Variants in PLPP1 observed in about 807,000 individuals in gnomAD.
PLPP1 encodes lipid phosphate phosphohydrolase 1a.
PLPP1 carries 24 observed loss-of-function variants against 31.2 expected under a neutral mutation model. That is an observed-to-expected ratio of 0.77 (90% confidence interval 0.56 to 1.08). The LOEUF is 1.08. Ranked by LOEUF, PLPP1 falls within the 50% of genes least tolerant of loss-of-function variation. PLPP1 has a pLI of 0.00. For missense variants in PLPP1, 319 were observed against 342.7 expected (o/e 0.93, Z 0.55); for synonymous variants, 146 against 126.3 (o/e 1.16, Z -1.05).
chr5:55,443,212 T>TATATAC (rs1169152710), intron 3 of PLPP1, among the ~76,000 whole-genome samples: 34 of 104,990 alleles, frequency 3.2e-4, no homozygotes, highest in African/African-American at 1.2e-3. Flanking sequence ...TATATATATA[T>TATATAC]ACACACACAC....
chr5:55,467,839 T>G lies in PLPP1; in HGVS notation c.491+30A>C, dbSNP rs1579944229. ...CCTTCTATTCCAAGAATATACAAGA[T>G]TAAACAAGCATTAGCGATTTAACAC... On this transcript the variant is annotated intron_variant, in intron 3 of 5. Transcript: ENST00000307259. 3.8e-6 allele frequency: 6 copies of G among 1,573,340 alleles called. No individual in the cohort carries two copies. The South Asian group carries it at 7.1e-5, about 19-fold the overall frequency.
At chr5:55,523,390 T>C (rs1240636265) in intron 1 of PLPP1, among the ~76,000 whole-genome samples, 1 of 152,148 alleles carries the variant, frequency 6.6e-6, no homozygotes, top group Non-Finnish European at 1.5e-5. Flanking sequence ...TATTACAACC[T>C]TTCCCAAATA....
At chr5:55,428,235 C>T (rs1751258831) in intron 4 of PLPP1, among the ~76,000 whole-genome samples, 1 of 152,234 alleles carries the variant, frequency 6.6e-6, no homozygotes. Context: ...TGGGATGCCC[C>T]AGTTGTGGTT....
At chr5:55,501,503 A>G (rs1358239398) in intron 1 of PLPP1, among the ~76,000 whole-genome samples, 1 of 151,968 alleles carries the variant, frequency 6.6e-6, no homozygotes, top group African/African-American at 2.4e-5. Context: ...AACAAAGCTA[A>G]TTTATTTATT....
chr5:55,466,955 G>A (rs1386041582), intron 3 of PLPP1, among the ~76,000 whole-genome samples: 4 of 152,122 alleles, frequency 2.6e-5, no homozygotes, highest in Non-Finnish European at 4.4e-5. Context: ...ACTAATTAGT[G>A]GCTTTACTTA....
At chr5:55,485,779 AC>A (rs1463791469) in intron 1 of PLPP1, among the ~76,000 whole-genome samples, 2 of 152,188 alleles carry the variant, frequency 1.3e-5, no homozygotes, top group African/African-American at 2.4e-5. Flanking sequence ...TCAATATATT[AC>A]AAAAATCTTT....
intron 4 of PLPP1, among the ~76,000 whole-genome samples, chr5:55,432,223 A>G (rs149197051): frequency 4.7e-4 from 71 of 151,640 alleles, no homozygotes; most frequent in African/African-American, 1.6e-3. Flanking sequence ...GACTACCGGC[A>G]TAAGCTACCA....
chr5:55,476,800 T>C (rs2111814971), intron 1 of PLPP1, among the ~76,000 whole-genome samples: 1 of 152,324 alleles, frequency 6.6e-6, no homozygotes, highest in African/African-American at 2.4e-5. Context: ...TGAGTGTATT[T>C]ACCACAAATA....
At chr5:55,458,047 T>C (rs1326149946) in intron 3 of PLPP1, among the ~76,000 whole-genome samples, 1 of 152,194 alleles carries the variant, frequency 6.6e-6, no homozygotes, top group Non-Finnish European at 1.5e-5. Flanking sequence ...ATTAGAGACA[T>C]AGGCATGGCA....
Position 55,426,000 on chromosome 5 carries a change from G to A in PLPP1, c.589C>T (p.Leu197Phe). The A allele has an allele frequency of 6.2e-7, 1 of 1,610,426 alleles. No individual in the cohort carries two copies. The highest frequency in any genetic ancestry group is 8.5e-7 in the Non-Finnish European group (1 of 1,179,052). Residue 197 changes from leucine (L) to phenylalanine (F), a missense_variant, in exon 5 of 6, where the codon CTC becomes TTC. Transcript: ENST00000307259. ...CCAAATTGCAGTGTGGGGCGTAAGA[G>A]TCTTGCCCAGTCTCCCTTCATCCTG... ...QARMKGDWAR[L>F]LRPTLQFGLV... is the part of the protein sequence containing the mutation.
chr5:55,517,021 T>C (rs140758975), intron 1 of PLPP1, among the ~76,000 whole-genome samples: 132 of 152,314 alleles, frequency 8.7e-4, no homozygotes, highest in African/African-American at 3.0e-3. Context: ...TAATTCACTA[T>C]AAGTCAGATA....
intron 1 of PLPP1, among the ~76,000 whole-genome samples, chr5:55,494,498 C>G (rs1004171168): frequency 2.6e-5 from 4 of 152,172 alleles, no homozygotes; most frequent in Non-Finnish European, 5.9e-5. Context: ...TTGGGGCAAT[C>G]TGGCACCTCC....
intron 1 of PLPP1, among the ~76,000 whole-genome samples, chr5:55,480,775 T>C (rs1167937813): frequency 1.3e-5 from 2 of 152,244 alleles, no homozygotes; most frequent in African/African-American, 2.4e-5. Flanking sequence ...TTTGTAGATA[T>C]GTTTTCATTT....
chr5:55,483,564 C>T (rs10067683), intron 1 of PLPP1, among the ~76,000 whole-genome samples: 127,661 of 151,256 alleles, frequency 0.84, 54,251 homozygotes, highest in South Asian at 0.91. Flanking sequence ...CCCAGCTACT[C>T]GGGAAGCTGA....
intron 5 of PLPP1, 72 bp downstream of exon 5, chr5:55,425,791 A>ATTTTTTGGAT (rs1554035930): frequency 9.9e-6 from 10 of 1,009,724 alleles, no homozygotes; most frequent in Non-Finnish European, 1.2e-5. Context: ...GATTTTTTGG[A>ATTTTTTGGAT]TTTTTTTTTT....
intron 2 of PLPP1, among the ~76,000 whole-genome samples, chr5:55,471,939 A>C (rs1752424269): frequency 7.1e-6 from 1 of 141,562 alleles, no homozygotes; most frequent in Non-Finnish European, 1.5e-5. Context: ...TGCACAACAC[A>C]GAGAGATAGT....
intron 2 of PLPP1, among the ~76,000 whole-genome samples, chr5:55,473,997 G>GTTTTTGTTTTT (rs1554039230): frequency 0.016 from 459 of 28,022 alleles, 8 homozygotes; most frequent in African/African-American, 0.036. Flanking sequence ...TTTGTTTGTT[G>GTTTTTGTTTTT]TTTTTTTTTT....
intron 1 of PLPP1, chr5:55,530,762 G>C: frequency 6.4e-6 from 10 of 1,563,672 alleles, no homozygotes; most frequent in Non-Finnish European, 7.9e-6. Context: ...ATTGCAGTCA[G>C]GAAACATTTT....
At chr5:55,457,065 CAGG>C (rs1417983871) in intron 3 of PLPP1, among the ~76,000 whole-genome samples, 1 of 151,088 alleles carries the variant, frequency 6.6e-6, no homozygotes, top group African/African-American at 2.4e-5. Flanking sequence ...CAGGCTGAGG[CAGG>C]AGAACCGCTT....
Sources: allele counts gnomAD v4.1 joint callset (sites outside exome capture counted in the v4.1 genomes callset), GRCh38; gene constraint gnomAD v4.1.1; transcripts MANE v1.5; gene names NCBI Gene and HGNC (gene_info 2026-07-23, HGNC 2026-07-21).